The following RANGAP1 variants were observed in gnomAD, a reference collection of about 807,000 sequenced individuals.
RANGAP1 encodes the protein Ran GTPase activating protein 1.
RANGAP1 carries 38 observed loss-of-function variants against 63.5 expected under a neutral mutation model. The observed-to-expected ratio is 0.60, with a 90% CI of 0.46 to 0.78. The LOEUF (loss-of-function observed/expected upper bound fraction) is 0.78. Ranked by LOEUF, RANGAP1 falls within the 30% of genes least tolerant of loss-of-function variation. The pLI is 0.00. For synonymous variants in RANGAP1, 329 were observed against 310.5 expected (o/e 1.06, Z -0.63); for missense variants, 630 against 740.3 (o/e 0.85, Z 1.73).
chr22:41,273,814 G>A (rs2034981735), intron 3 of RANGAP1, among the ~76,000 whole-genome samples: 1 of 143,210 alleles, frequency 7.0e-6, no homozygotes, highest in Non-Finnish European at 1.5e-5. Context: ...AGTGGCTCAT[G>A]CCTGTAATCC....
chr22:41,280,236 T>C (rs2035419788), intron 2 of RANGAP1, among the ~76,000 whole-genome samples: 1 of 152,222 alleles, frequency 6.6e-6, no homozygotes, highest in South Asian at 2.1e-4. Flanking sequence ...CAAGGCTGCC[T>C]ACACAACATG....
chr22:41,267,696 T>C (rs2034562468), intron 4 of RANGAP1, among the ~76,000 whole-genome samples: 1 of 152,032 alleles, frequency 6.6e-6, no homozygotes, highest in African/African-American at 2.4e-5. Flanking sequence ...CAGAGAAAGA[T>C]GGGGACGGCT....
Position 41,257,242 on chromosome 22 carries a change from C to G in RANGAP1, c.775-418G>C, listed in dbSNP as rs2033897081. Among the ~76,000 whole-genome samples the G allele has an allele frequency of 6.6e-6, 1 of 152,170 alleles. No homozygotes were observed. The highest frequency in any genetic ancestry group is 6.5e-5 in the Admixed American group (1 of 15,270). ...TCTGGCGTGTTCCCCAACACCTGCA[C>G]ACATCTCTGCTAACACACAGGCAGC... On this transcript the variant is annotated intron_variant, in intron 7 of 15. Coordinates refer to ENST00000356244, the MANE Select transcript of RANGAP1 (RefSeq NM_002883.4). The surrounding 1 kb of genome is among the most constrained non-coding windows in gnomAD (Gnocchi z 4.0).
In RANGAP1 at chr22:41,257,950, C is replaced by T. The variant is rs375569635; in HGVS notation, c.772G>A (p.Glu258Lys). The change falls in exon 7 of 16, where the codon GAG (glutamate) becomes AAG (lysine). Residue 258 changes from glutamate (E) to lysine (K), a missense_variant and splice_region_variant. By Grantham distance (56) the Glu-to-Lys change is moderately conservative. Around this residue, in one of 3 missense-constraint regions of RANGAP1, gnomAD observed 428 missense variants for 465.5 expected, o/e 0.92. Coordinates refer to ENST00000356244, the MANE Select transcript of RANGAP1 (RefSeq NM_002883.4). The surrounding 1 kb of genome is among the most constrained non-coding windows in gnomAD (Gnocchi z 4.0). ...TGGCTCTGCCACACTCGCCTCACCTCGGCCATGGCCACGGCGCCCTTCTCA... is the reference window on the plus strand; with the variant it reads ...TGGCTCTGCCACACTCGCCTCACCTTGGCCATGGCCACGGCGCCCTTCTCA... The part of the protein sequence containing the change: ...FTEKGAVAMA[E>K]TLKTLRQVEV... The T allele has an allele frequency of 2.5e-5, 40 of 1,601,640 alleles. No homozygotes were observed. The highest frequency in any genetic ancestry group is 9.0e-5 in the South Asian group (8 of 89,384).
rs1205208165 is a variant in RANGAP1 at position 41,244,889 on chromosome 22, T to C, written c.*1714A>G. ...AGAACATCTTCATCATCCCAGAGAATCTGTTTGCAGCCTCACTCCCTATTC... is the reference window on the plus strand; with the variant it reads ...AGAACATCTTCATCATCCCAGAGAACCTGTTTGCAGCCTCACTCCCTATTC... On this transcript the variant is annotated 3_prime_UTR_variant, in exon 16 of 16. Transcript: ENST00000356244. 2.6e-5 allele frequency among the ~76,000 whole-genome samples: 4 copies of C among 152,190 alleles called. No homozygotes were observed. The East Asian group carries it at 7.7e-4, about 29-fold the overall frequency.
intron 15 of RANGAP1, among the ~76,000 whole-genome samples, chr22:41,247,984 C>T (rs535111780): frequency 5.3e-5 from 8 of 152,334 alleles, no homozygotes; most frequent in African/African-American, 1.7e-4. Flanking sequence ...GAGGCACATG[C>T]CCAGGCTTAG....
intron 1 of RANGAP1, among the ~76,000 whole-genome samples, chr22:41,282,711 T>G (rs950034464): frequency 6.6e-6 from 1 of 152,182 alleles, no homozygotes; most frequent in African/African-American, 2.4e-5. Flanking sequence ...ACATGTGAGA[T>G]TAAATGTCTC....
At chr22:41,287,492 C>T (rs2035781351), upstream of RANGAP1, among the ~76,000 whole-genome samples, 1 of 151,112 alleles carries the variant, frequency 6.6e-6, no homozygotes, top group African/African-American at 2.4e-5. Context: ...ATGGTCAAAC[C>T]CTGTCTCGAC....
intron 15 of RANGAP1, among the ~76,000 whole-genome samples, chr22:41,247,894 C>G (rs981114763): frequency 2.0e-5 from 3 of 152,178 alleles, no homozygotes; most frequent in African/African-American, 7.2e-5. Flanking sequence ...TGGACAAGAC[C>G]CAGGGGGCAG....
In RANGAP1 at chr22:41,268,145, C is replaced by G; in HGVS notation, c.252G>C (p.Trp84Cys). ...EKKSELKRCH[W>C]SDMFTGRLRT... ...GCAGCCTTCCCGTGAACATGTCACT[C>G]CAGTGGCAGCGCTGCAACGGAAAGA... Residue 84 changes from tryptophan (W) to cysteine (C), a missense_variant, in exon 4 of 16, where the codon TGG (tryptophan) becomes TGC (cysteine). Trp to Cys is a radical substitution (Grantham distance 215, BLOSUM62 -2). Coordinates refer to ENST00000356244, the MANE Select transcript of RANGAP1 (RefSeq NM_002883.4). The G allele has an allele frequency of 1.9e-6, 3 of 1,554,334 alleles. No individual in the cohort carries two copies. The highest frequency in any genetic ancestry group is 8.7e-7 in the Non-Finnish European group (1 of 1,147,652).
intron 1 of RANGAP1, chr22:41,282,592 G>A (rs2035552275): frequency 1.3e-5 from 2 of 152,224 alleles, no homozygotes; most frequent in South Asian, 2.1e-4. Context: ...AAAGTGCTGG[G>A]ATTACACGCA....
intron 6 of RANGAP1, among the ~76,000 whole-genome samples, chr22:41,259,895 A>G (rs1007444123): frequency 2.0e-5 from 3 of 152,154 alleles, no homozygotes; most frequent in Non-Finnish European, 4.4e-5. Flanking sequence ...AGTCCCAGCT[A>G]ATCGGGAGGC....
chr22:41,266,271 T>G lies in RANGAP1; in HGVS notation c.301-1428A>C, dbSNP rs544881796. Among the ~76,000 whole-genome samples the G allele has an allele frequency of 8.5e-5, 7 of 82,056 alleles. No individual in the cohort carries two copies. The East Asian group carries it at 1.6e-3, about 19-fold the overall frequency. The allele number at this position is 82,056 out of a possible 152,430, so 53.8% of individuals were successfully genotyped here. A position where few individuals can be genotyped will look rare whatever the true frequency, so the allele number is the denominator to read the frequency against. On this transcript the variant is annotated intron_variant, in intron 4 of 15. Transcript: ENST00000356244. Reference sequence around the variant, plus strand: ...GACCTCTAGCTGCTCAAACACCCTGTGCCTACTCCACCACATGCCATCTTC... The same window carrying G: ...GACCTCTAGCTGCTCAAACACCCTGGGCCTACTCCACCACATGCCATCTTC...
intron 15 of RANGAP1, among the ~76,000 whole-genome samples, chr22:41,248,859 C>T (rs1463821763): frequency 6.6e-6 from 1 of 152,224 alleles, no homozygotes; most frequent in Non-Finnish European, 1.5e-5. Flanking sequence ...CAATGTGTGT[C>T]CCCAGGAGAG....
chr22:41,293,630 T>G, the RANGAP1 span, among the ~76,000 whole-genome samples: 1 of 150,974 alleles, frequency 6.6e-6, no homozygotes, highest in Non-Finnish European at 1.5e-5. Flanking sequence ...TACAAAAAAA[T>G]TAGTTGAATG....
chr22:41,257,962 C>A lies in RANGAP1; in HGVS notation c.760G>T (p.Val254Leu), dbSNP rs765975955. The change falls in exon 7 of 16, where the codon GTG (valine) becomes TTG (leucine). Residue 254 changes from valine to leucine, a missense_variant. Physicochemically the swap from Val to Leu is conservative, Grantham distance 32. Transcript: ENST00000356244. The surrounding 1 kb of genome is among the most constrained non-coding windows in gnomAD (Gnocchi z 4.0). ...NDNTFTEKGA[V>L]AMAETLKTLR... ...ACTCGCCTCACCTCGGCCATGGCCA[C>A]GGCGCCCTTCTCAGTGAAGGTGTTG... 8 of 1,607,122 alleles carry A rather than the reference C, an allele frequency of 5.0e-6. No homozygotes were observed. Among genetic ancestry groups the A allele is most frequent in the Non-Finnish European group, 6.8e-6 (8 of 1,175,740 alleles).
chr22:41,294,987 G>A, the RANGAP1 span, among the ~76,000 whole-genome samples: 19 of 128,490 alleles, frequency 1.5e-4, no homozygotes, highest in Admixed American at 9.2e-4. Flanking sequence ...TGGGGGATCA[G>A]CCCCCAGCCC....
intron 8 of RANGAP1, 98 bp downstream of exon 8, chr22:41,256,613 A>C: frequency 9.6e-7 from 1 of 1,045,856 alleles, no homozygotes; most frequent in Non-Finnish European, 1.4e-6. Flanking sequence ...TGGGATATGG[A>C]CACAGGCCCA....
the RANGAP1 span, among the ~76,000 whole-genome samples, chr22:41,294,455 G>A: frequency 6.6e-6 from 1 of 151,564 alleles, no homozygotes; most frequent in African/African-American, 2.4e-5. Flanking sequence ...CGAGATTGCA[G>A]CCTCTGCCCG....
Sources: allele counts gnomAD v4.1 joint callset (sites outside exome capture counted in the v4.1 genomes callset), GRCh38; gene constraint gnomAD v4.1.1; regional missense constraint gnomAD v4.1.1; non-coding constraint Gnocchi (gnomAD v3.1); transcripts MANE v1.5; gene names NCBI Gene and HGNC (gene_info 2026-07-23, HGNC 2026-07-21).